The following CDH4 variants were observed in gnomAD, a reference collection of about 807,000 sequenced individuals.
CDH4 encodes cadherin-4.
CDH4 carries 33 observed loss-of-function variants against 86.0 expected under a neutral mutation model. The ratio of observed to expected loss-of-function variants is 0.38; its 90% CI spans 0.29 to 0.51. CDH4 has a LOEUF of 0.51. Ranked by LOEUF, CDH4 falls within the 20% of genes least tolerant of loss-of-function variation. The pLI is 0.86. For synonymous variants in CDH4, 555 were observed against 549.4 expected, an observed-to-expected ratio of 1.01 and a Z score of -0.14; for missense variants, 1,114 against 1,307.4, an observed-to-expected ratio of 0.85 and a Z score of 2.28.
chr20:61,886,760 T>C lies in CDH4; in HGVS notation c.1051-8150T>C, dbSNP rs373626048. On this transcript the variant is annotated intron_variant, in intron 7 of 15. Transcript: ENST00000614565. ...CTGACCTCAGGGAAGTCCCAGGCCTTCATCTTCTGCAAAGTGGGAGGGCGC... is the reference window on the plus strand; with the variant it reads ...CTGACCTCAGGGAAGTCCCAGGCCTCCATCTTCTGCAAAGTGGGAGGGCGC... Among the ~76,000 whole-genome samples the C allele has an allele frequency of 8.7e-4, 133 of 152,274 alleles. 1 individual carries two copies. The highest frequency in any genetic ancestry group is 3.1e-3 in the African/African-American group (130 of 41,554).
At chr20:61,649,088 T>G (rs2087094596) in intron 2 of CDH4, among the ~76,000 whole-genome samples, 1 of 152,248 alleles carries the variant, frequency 6.6e-6, no homozygotes, top group Middle Eastern at 3.2e-3. Context: ...GCCTTCAGCA[T>G]GAGCTGATAA....
At chr20:61,779,858 G>A (rs1455262572) in intron 4 of CDH4, among the ~76,000 whole-genome samples, 1 of 152,258 alleles carries the variant, frequency 6.6e-6, no homozygotes, top group African/African-American at 2.4e-5. Flanking sequence ...TTGATTGGAT[G>A]TGTGAGCACG....
At chr20:61,263,164 G>T (rs1418483783) in intron 2 of CDH4, among the ~76,000 whole-genome samples, 1 of 152,050 alleles carries the variant, frequency 6.6e-6, no homozygotes, top group Non-Finnish European at 1.5e-5. Flanking sequence ...GCATTTGCAG[G>T]CTCCTTCAGT....
intron 2 of CDH4, among the ~76,000 whole-genome samples, chr20:61,639,195 G>T (rs1193060912): frequency 1.3e-5 from 2 of 152,240 alleles, no homozygotes; most frequent in African/African-American, 4.8e-5. Flanking sequence ...GCACAGCAGG[G>T]ATGTATCATG....
chr20:61,660,159 T>C (rs1349107837), intron 2 of CDH4, among the ~76,000 whole-genome samples: 2 of 152,136 alleles, frequency 1.3e-5, no homozygotes, highest in East Asian at 3.9e-4. Context: ...GCGACCTTCC[T>C]TTCTCTGACC....
chr20:61,470,577 A>G (rs1275166308), intron 2 of CDH4, among the ~76,000 whole-genome samples: 3 of 152,156 alleles, frequency 2.0e-5, no homozygotes, highest in Admixed American at 6.5e-5. Flanking sequence ...TCTGTTGAAT[A>G]AGAGTAGTGA....
intron 7 of CDH4, among the ~76,000 whole-genome samples, chr20:61,884,628 A>C (rs887774635): frequency 6.6e-6 from 1 of 152,048 alleles, no homozygotes; most frequent in African/African-American, 2.4e-5. Flanking sequence ...AGGGAACCTC[A>C]GAAAGGAGCC....
chr20:61,801,873 C>G (rs6142868), intron 4 of CDH4, among the ~76,000 whole-genome samples: 50,798 of 152,188 alleles, frequency 0.33, 9,263 homozygotes, highest in African/African-American at 0.48. Flanking sequence ...TGGGCCTCAT[C>G]TCAAGATCCT....
rs1019132075 is a variant in CDH4 at position 61,724,385 on chromosome 20, T to C, written c.170-19178T>C. Among the ~76,000 whole-genome samples the C allele has an allele frequency of 1.3e-4, 20 of 152,304 alleles. No homozygotes were observed. The South Asian group carries it at 2.5e-3, about 19-fold the overall frequency. On this transcript the variant is annotated intron_variant, in intron 2 of 15. Coordinates refer to ENST00000614565, the MANE Select transcript of CDH4 (RefSeq NM_001794.5). ...CCCCGTGTCCCGCCAAGACTCCCCA[T>C]GAAGGCCCTCACTTAGAAAACTCTG...
chr20:61,391,956 A>G (rs185558277), intron 2 of CDH4, among the ~76,000 whole-genome samples: 1 of 152,102 alleles, frequency 6.6e-6, no homozygotes, highest in Admixed American at 6.5e-5. Flanking sequence ...AGAAAGGCAA[A>G]GATGAGCAAT....
chr20:61,397,034 C>G (rs553773520), intron 2 of CDH4, among the ~76,000 whole-genome samples: 1 of 152,182 alleles, frequency 6.6e-6, no homozygotes, highest in Non-Finnish European at 1.5e-5. Context: ...CCTCAGCCCC[C>G]GCAAGTAGCT....
At chr20:61,594,048 G>A (rs191193574) in intron 2 of CDH4, among the ~76,000 whole-genome samples, 91 of 106,606 alleles carry the variant, frequency 8.5e-4, no homozygotes, top group African/African-American at 3.2e-3. Flanking sequence ...CTGAGCTGGC[G>A]GGGAAGAGGG....
chr20:61,739,900 G>A (rs995342903), intron 2 of CDH4, among the ~76,000 whole-genome samples: 7 of 152,232 alleles, frequency 4.6e-5, no homozygotes, highest in South Asian at 4.1e-4. Context: ...TCGTAGAGAG[G>A]CAAAGCAGAA....
At chr20:61,871,918 A>G (rs1273015687) in intron 6 of CDH4, among the ~76,000 whole-genome samples, 2 of 152,236 alleles carry the variant, frequency 1.3e-5, no homozygotes, top group African/African-American at 4.8e-5. Flanking sequence ...AAGCTGAAGC[A>G]AACTCCTAGT....
chr20:61,372,139 C>T (rs1043460103), intron 2 of CDH4, among the ~76,000 whole-genome samples: 1 of 152,212 alleles, frequency 6.6e-6, no homozygotes, highest in African/African-American at 2.4e-5. Flanking sequence ...GTTTTGGCCC[C>T]TAAGTGAAGC....
intron 6 of CDH4, among the ~76,000 whole-genome samples, chr20:61,870,379 G>A (rs1983748802): frequency 6.6e-6 from 1 of 152,240 alleles, no homozygotes; most frequent in Admixed American, 6.5e-5. Flanking sequence ...AAGGCCGTCA[G>A]AAGGGCTCCG....
intron 2 of CDH4, among the ~76,000 whole-genome samples, chr20:61,325,963 C>T (rs1315814362): frequency 6.6e-6 from 1 of 152,222 alleles, no homozygotes; most frequent in Non-Finnish European, 1.5e-5. Flanking sequence ...CTCGCTCTCC[C>T]TGATGGTGGC....
intron 2 of CDH4, among the ~76,000 whole-genome samples, chr20:61,350,942 C>T (rs6101325): frequency 0.26 from 38,931 of 152,004 alleles, 5,095 homozygotes; most frequent in South Asian, 0.35. Context: ...CAGAGACCAT[C>T]GCTCTAGGCT....
rs10551077 is a variant in CDH4, at chr20:61,474,152, C to CT, written c.169+219241dup. ...GGTATTCTTTTGTCATGGAATAGGA[C>CT]TTTTTTTTTTTTTTTTTTTTTTTTT... On this transcript the variant is annotated intron_variant, in intron 2 of 15. Transcript: ENST00000614565. Among the ~76,000 whole-genome samples the CT allele has an allele frequency of 1.2e-4, 5 of 40,020 alleles. 1 individual carries two copies. The highest frequency in any genetic ancestry group is 1.8e-3 in the East Asian group (2 of 1,086). The allele number at this position is 40,020 out of a possible 152,430, so 26.3% of individuals were successfully genotyped here. A position where few individuals can be genotyped will look rare whatever the true frequency, so the allele number is the denominator to read the frequency against.
Sources: allele counts gnomAD v4.1 joint callset (sites outside exome capture counted in the v4.1 genomes callset), GRCh38; gene constraint gnomAD v4.1.1; transcripts MANE v1.5; gene names NCBI Gene and HGNC (gene_info 2026-07-23, HGNC 2026-07-21).